Variants in NACC2 observed in about 807,000 individuals in gnomAD.
NACC2 encodes NACC family member 2.
Under a neutral mutation model 25.1 loss-of-function variants are expected in NACC2, and 8 were observed. That is an observed-to-expected ratio of 0.32 (90% CI 0.19 to 0.57). The LOEUF (loss-of-function observed/expected upper bound fraction) is 0.57. Ranked by LOEUF, NACC2 falls within the 20% of genes least tolerant of loss-of-function variation. The pLI is 0.89. For missense variants in NACC2, 644 were observed against 650.2 expected, an observed-to-expected ratio of 0.99 and a Z score of 0.10; for synonymous variants, 435 against 294.7, an observed-to-expected ratio of 1.48 and a Z score of -4.88.
chr9:136,024,042 T>C (rs2131141327), intron 2 of NACC2, among the ~76,000 whole-genome samples: 1 of 151,960 alleles, frequency 6.6e-6, no homozygotes. Flanking sequence ...GGAGACAGAG[T>C]GTGTGGGGAC....
At chr9:136,069,578 C>CAAAACA (rs1841127221) in intron 1 of NACC2, among the ~76,000 whole-genome samples, 1 of 148,876 alleles carries the variant, frequency 6.7e-6, no homozygotes. Flanking sequence ...CAAAACAAAA[C>CAAAACA]AAAAAAAACA....
Position 136,013,820 on chromosome 9 carries a change from T to TCC in NACC2, c.1157+42_1157+43dup, listed in dbSNP as rs1840152250. The TCC allele has an allele frequency of 2.6e-6, 4 of 1,536,728 alleles. No homozygotes were observed. Among genetic ancestry groups the TCC allele is most frequent in the Non-Finnish European group, 3.6e-6 (4 of 1,114,656 alleles). The stretch of plus-strand genomic sequence containing the variant: ...CTCATAGCTAAAGGAGCCAGAACCC[T>TCC]CCGCAGCTCCATTGTGCCCTCCAGC... On this transcript the variant is annotated intron_variant, in intron 4 of 5. Coordinates refer to ENST00000277554, the MANE Select transcript of NACC2 (RefSeq NM_144653.5). This position sits in a 1 kb window ranked among gnomAD's most constrained non-coding sequence, Gnocchi z 6.6.
intron 1 of NACC2, among the ~76,000 whole-genome samples, chr9:136,087,312 T>TGGTGGC (rs1190741090): frequency 1.3e-5 from 2 of 152,216 alleles, no homozygotes; most frequent in East Asian, 3.9e-4. Context: ...GGCTCTGTCG[T>TGGTGGC]GGTGGCCCCA....
In NACC2 at chr9:136,063,654, G is replaced by A. The variant is rs532275620; in HGVS notation, c.-59-13074C>T. Among the ~76,000 whole-genome samples, 15 of 151,958 alleles carry A rather than the reference G, an allele frequency of 9.9e-5. No individual in the cohort carries two copies. The East Asian group carries it at 2.2e-3, about 22-fold the overall frequency. ...ATCCCAGCACTTGGGAGGCCAAGGC[G>A]GGTGGATCACCTGAGGCCAGGAGTT... On this transcript the variant is annotated intron_variant, in intron 1 of 5. Coordinates refer to ENST00000277554, the MANE Select transcript of NACC2 (RefSeq NM_144653.5).
chr9:136,051,876 A>AAGGAGGAGGAGGAGGAGGAGG lies in NACC2; in HGVS notation c.-59-1317_-59-1297dup, dbSNP rs1162435573. On this transcript the variant is annotated intron_variant, in intron 1 of 5. Coordinates refer to ENST00000277554, the MANE Select transcript of NACC2 (RefSeq NM_144653.5). ...GGCGGGGAGGGCGCAGGGAGCCGGC[A>AAGGAGGAGGAGGAGGAGGAGG]AGGAGGAGGAGGAGGAGGAGGAGGA... 2.2e-3 allele frequency among the ~76,000 whole-genome samples: 287 copies of AAGGAGGAGGAGGAGGAGGAGG among 132,282 alleles called. 12 individuals carry two copies. The highest frequency in any genetic ancestry group is 6.6e-3 in the African/African-American group (200 of 30,372). 86.8% of individuals were successfully genotyped at this position (132,282 alleles called of 152,430 possible).
rs187363112 is a variant in NACC2, at chr9:136,067,545, G to A, written c.-59-16965C>T. Reference sequence around the variant, plus strand: ...TGAACACCACAGAATGCACTTAAACGATGCTCGATGGGCCGGGCGCGGTGG... The same window carrying A: ...TGAACACCACAGAATGCACTTAAACAATGCTCGATGGGCCGGGCGCGGTGG... On this transcript the variant is annotated intron_variant, in intron 1 of 5. Transcript: ENST00000277554. Among the ~76,000 whole-genome samples the A allele has an allele frequency of 4.4e-3, 665 of 152,116 alleles. 3 individuals are homozygous for A. The highest frequency in any genetic ancestry group is 9.8e-3 in the South Asian group (47 of 4,810).
rs1391021492 is a variant in NACC2 at position 136,084,059 on chromosome 9, CG to C, written c.-60+11129del. On this transcript the variant is annotated intron_variant, in intron 1 of 5. Coordinates refer to ENST00000277554, the MANE Select transcript of NACC2 (RefSeq NM_144653.5). The surrounding 1 kb of genome is among the most constrained non-coding windows in gnomAD (Gnocchi z 5.1). ...TACAGCCCCACAGCCTGAGGAAGAG[CG>C]GGGAGGTAGGGAAGGTGGTGCTCGC... Among the ~76,000 whole-genome samples, 1 of 152,086 alleles carries C rather than the reference CG, an allele frequency of 6.6e-6. No individual in the cohort carries two copies. The highest frequency in any genetic ancestry group is 1.5e-5 in the Non-Finnish European group (1 of 68,010).
intron 1 of NACC2, among the ~76,000 whole-genome samples, chr9:136,062,943 C>T (rs991104440): frequency 1.2e-4 from 18 of 152,178 alleles, no homozygotes; most frequent in Non-Finnish European, 2.5e-4. Context: ...TAAAATTATA[C>T]GTTCACAGGA....
intron 3 of NACC2, among the ~76,000 whole-genome samples, chr9:136,015,558 G>T (rs1564217365): frequency 6.6e-6 from 1 of 152,206 alleles, no homozygotes; most frequent in Non-Finnish European, 1.5e-5. Context: ...CCGAGACGCT[G>T]CCCAAGGTAT....
chr9:136,053,125 C>T (rs933543680), intron 1 of NACC2, among the ~76,000 whole-genome samples: 1 of 152,212 alleles, frequency 6.6e-6, no homozygotes, highest in Non-Finnish European at 1.5e-5. Context: ...CAGCAGGATG[C>T]GGAGGAGGCC....
In NACC2 at chr9:136,014,053, G is replaced by C. The variant is rs565341272; in HGVS notation, c.1052-84C>G. Reference sequence around the variant, plus strand: ...GGCGCACAGATGGGTGAGGGGGAGGGGGGGAGGTGGAGGGGGAGGAGGAGC... The same window carrying C: ...GGCGCACAGATGGGTGAGGGGGAGGCGGGGAGGTGGAGGGGGAGGAGGAGC... On this transcript the variant is annotated intron_variant, in intron 3 of 5. Transcript: ENST00000277554. 136 of 682,356 alleles carry C rather than the reference G, an allele frequency of 2.0e-4. 3 individuals carry two copies. Among genetic ancestry groups the C allele is most frequent in the Middle Eastern group, 4.6e-4 (1 of 2,166 alleles). 42.3% of individuals were successfully genotyped at this position (682,356 alleles called of 1,614,324 possible). A position where few individuals can be genotyped will look rare whatever the true frequency, so the allele number is the denominator to read the frequency against.
chr9:136,013,420 G>A lies in NACC2; in HGVS notation c.1158-124C>T. 1 of 806,774 alleles carries A rather than the reference G, an allele frequency of 1.2e-6. No individual in the cohort carries two copies. The highest frequency in any genetic ancestry group is 2.0e-6 in the Non-Finnish European group (1 of 504,812). The allele number at this position is 806,774 out of a possible 1,614,324, so 50.0% of individuals were successfully genotyped here. ...CCTCACCCTTGGCTGGTCTGCGTGTGTCCCAGTGGCAGGAGCCGGCCCAGC... is the reference window on the plus strand; with the variant it reads ...CCTCACCCTTGGCTGGTCTGCGTGTATCCCAGTGGCAGGAGCCGGCCCAGC... On this transcript the variant is annotated intron_variant, in intron 4 of 5. Transcript: ENST00000277554. The surrounding 1 kb of genome is among the most constrained non-coding windows in gnomAD (Gnocchi z 6.6).
chr9:136,033,576 G>C (rs1588564761), intron 2 of NACC2, among the ~76,000 whole-genome samples: 1 of 149,772 alleles, frequency 6.7e-6, no homozygotes, highest in East Asian at 2.0e-4. Context: ...CTTGAATTCG[G>C]GAGTTGGAGG....
rs1028140251 is a variant in NACC2, at chr9:136,006,591, A to G, written c.*4925T>C. Reference sequence around the variant, plus strand: ...AAATGTGAATTTTACAAAGCGCTTTACAATTAATGATCACATCCTTTTGTT... The same window carrying G: ...AAATGTGAATTTTACAAAGCGCTTTGCAATTAATGATCACATCCTTTTGTT... On this transcript the variant is annotated 3_prime_UTR_variant, in exon 6 of 6. Coordinates refer to ENST00000277554, the MANE Select transcript of NACC2 (RefSeq NM_144653.5). The G allele has an allele frequency of 2.0e-5, 3 of 152,272 alleles. No individual in the cohort carries two copies. The highest frequency in any genetic ancestry group is 7.2e-5 in the African/African-American group (3 of 41,472). 9.4% of individuals were successfully genotyped at this position (152,272 alleles called of 1,614,324 possible). A position where few individuals can be genotyped will look rare whatever the true frequency, so the allele number is the denominator to read the frequency against.
At chr9:136,080,141 G>A (rs1830305868) in intron 1 of NACC2, among the ~76,000 whole-genome samples, 1 of 152,202 alleles carries the variant, frequency 6.6e-6, no homozygotes, top group Admixed American at 6.5e-5. Flanking sequence ...CCCCACAAAA[G>A]CCAACGGTTT....
Position 136,013,159 on chromosome 9 carries a change from G to GGC in NACC2, c.1255+39_1255+40insGC. 3 of 754,886 alleles carry GGC rather than the reference G, an allele frequency of 4.0e-6. No homozygotes were observed. Among genetic ancestry groups the GGC allele is most frequent in the East Asian group, 2.8e-5 (1 of 35,684 alleles). 46.8% of individuals were successfully genotyped at this position (754,886 alleles called of 1,614,324 possible). A position where few individuals can be genotyped will look rare whatever the true frequency, so the allele number is the denominator to read the frequency against. ...CTCCTCAGGCTGGGATCTGAACCCAGCCCCGGCCCCACCCACCCGAGAGAC... is the reference window on the plus strand; with the variant it reads ...CTCCTCAGGCTGGGATCTGAACCCAGGCCCCCGGCCCCACCCACCCGAGAGAC... On this transcript the variant is annotated intron_variant, in intron 5 of 5. Transcript: ENST00000277554. This position sits in a 1 kb window ranked among gnomAD's most constrained non-coding sequence, Gnocchi z 6.6.
At chr9:136,014,013 C>A (rs1232869009) in intron 3 of NACC2, 44 bp from the exon 4 acceptor site, 3 of 1,225,346 alleles carry the variant, frequency 2.4e-6, no homozygotes, top group Non-Finnish European at 3.3e-6. Flanking sequence ...CTTCCCGGGC[C>A]ATAGGGTCCG....
In NACC2 at chr9:136,012,006, G is replaced by A; in HGVS notation, c.1274C>T (p.Ala425Val). The A allele has an allele frequency of 1.3e-6, 2 of 1,592,112 alleles. No homozygotes were observed. Among genetic ancestry groups the A allele is most frequent in the Non-Finnish European group, 8.5e-7 (1 of 1,170,210 alleles). ...NAVKLYCQNF[A>V]PSFKESEMNV... is the part of the protein sequence containing the mutation. ...CATCTCGCTCTCCTTGAAGCTGGGG[G>A]CGAAGTTCTGACAGTACACTGTGAG... is the stretch of plus-strand genomic sequence containing the variant. Residue 425 changes from alanine (A) to valine (V), a missense_variant, in exon 6 of 6, where the codon GCC becomes GTC. By Grantham distance (64) the Ala-to-Val change is moderately conservative (BLOSUM62 0). Coordinates refer to ENST00000277554, the MANE Select transcript of NACC2 (RefSeq NM_144653.5).
At chr9:136,044,667 C>A (rs1415088963) in intron 2 of NACC2, among the ~76,000 whole-genome samples, 1 of 152,242 alleles carries the variant, frequency 6.6e-6, no homozygotes, top group Non-Finnish European at 1.5e-5. Context: ...TACTCAGCAA[C>A]CCCAAGTTCA....
Sources: gnomAD v4.1 joint callset for allele counts (sites outside exome capture counted in the v4.1 genomes callset) on GRCh38, gnomAD v4.1.1 for gene constraint, Gnocchi (gnomAD v3.1) non-coding constraint, MANE v1.5 for transcripts, NCBI Gene and HGNC (gene_info 2026-07-23, HGNC 2026-07-21) for gene names.